Variants in INO80D observed in about 807,000 individuals in gnomAD.
The protein encoded by INO80D is INO80 complex subunit D.
Under a neutral mutation model 87.6 loss-of-function variants are expected in INO80D, and 21 were observed. The ratio of observed to expected loss-of-function variants is 0.24; its 90% CI spans 0.17 to 0.35. The LOEUF (loss-of-function observed/expected upper bound fraction) is 0.35, where lower values mean the gene tolerates loss of function less well. Ranked by LOEUF, INO80D falls within the 10% of genes least tolerant of loss-of-function variation. The pLI is 1.00. For missense variants in INO80D, 982 were observed against 1,280.7 expected, an observed-to-expected ratio of 0.77 and a Z score of 3.56; for synonymous variants, 440 against 491.0, an observed-to-expected ratio of 0.90 and a Z score of 1.37.
chr2:206,017,659 A>G, intron 8 of INO80D, 21 bp downstream of exon 8: 5 of 1,537,990 alleles, frequency 3.3e-6, no homozygotes, highest in Non-Finnish European at 3.5e-6. Flanking sequence ...AAAGTTTGAA[A>G]GCCTCTGTTG....
chr2:206,054,236 G>A (rs1459129007), intron 4 of INO80D, among the ~76,000 whole-genome samples: 2 of 148,702 alleles, frequency 1.3e-5, no homozygotes, highest in Non-Finnish European at 3.0e-5. Flanking sequence ...CGCCCAGATT[G>A]GTCTTGAACT....
intron 10 of INO80D, among the ~76,000 whole-genome samples, chr2:206,006,753 GA>G (rs1688037383): frequency 6.7e-6 from 1 of 150,094 alleles, no homozygotes; most frequent in African/African-American, 2.5e-5. Context: ...TCACTTTAAA[GA>G]AACAACGTTG....
chr2:206,038,610 T>C (rs1175181415), intron 5 of INO80D, among the ~76,000 whole-genome samples: 1 of 152,108 alleles, frequency 6.6e-6, no homozygotes, highest in African/African-American at 2.4e-5. Context: ...GGTGGGAGGA[T>C]AGCTTAAACC....
chr2:206,076,209 A>G (rs1232777954), intron 1 of INO80D, among the ~76,000 whole-genome samples: 3 of 152,176 alleles, frequency 2.0e-5, no homozygotes, highest in Non-Finnish European at 4.4e-5. Flanking sequence ...TAAAATAAAT[A>G]AAACTAACAT....
intron 5 of INO80D, among the ~76,000 whole-genome samples, chr2:206,039,907 C>G (rs993012697): frequency 6.6e-6 from 1 of 150,764 alleles, no homozygotes; most frequent in African/African-American, 2.4e-5. Context: ...AAAAAATGGA[C>G]AAGTTCCTAG....
At chr2:206,017,216 T>C (rs1210058733) in intron 8 of INO80D, among the ~76,000 whole-genome samples, 2 of 152,246 alleles carry the variant, frequency 1.3e-5, no homozygotes, top group Non-Finnish European at 2.9e-5. Flanking sequence ...TAGGAAAGTA[T>C]CTTGCAGTAA....
chr2:206,008,029 T>C (rs1024154899), intron 9 of INO80D: 3 of 152,686 alleles, frequency 2.0e-5, no homozygotes, highest in African/African-American at 7.2e-5. Context: ...TTGCCCAAGT[T>C]GGAGTGCAAT....
At position 205,999,366 on chromosome 2, in the gene INO80D, G is replaced by A. The variant is rs1687865406; in HGVS notation, c.*5002C>T. ...TGTGCTGCCCTATGGAGCTCACTGA[G>A]AGTTAGATTTTTCTCTTATACGAGT... is the stretch of plus-strand genomic sequence containing the variant. On this transcript the variant is annotated 3_prime_UTR_variant, in exon 11 of 11. Transcript: ENST00000403263. 1 of 152,214 alleles carries A rather than the reference G, an allele frequency of 6.6e-6. No homozygotes were observed. The highest frequency in any genetic ancestry group is 1.5e-5 in the Non-Finnish European group (1 of 68,048). The allele number at this position is 152,214 out of a possible 1,614,324, so 9.4% of individuals were successfully genotyped here. A position where few individuals can be genotyped will look rare whatever the true frequency, so the allele number is the denominator to read the frequency against.
intron 1 of INO80D, among the ~76,000 whole-genome samples, chr2:206,084,451 T>C (rs1418566361): frequency 6.6e-6 from 1 of 152,142 alleles, no homozygotes; most frequent in Admixed American, 6.5e-5. Context: ...TACTGATCCT[T>C]AAACTGTAGA....
At chr2:206,031,448 C>T (rs1190884365) in intron 5 of INO80D, among the ~76,000 whole-genome samples, 1 of 152,080 alleles carries the variant, frequency 6.6e-6, no homozygotes, top group African/African-American at 2.4e-5. Context: ...GAAGGTAAAG[C>T]TTGGGTCGAT....
chr2:206,044,636 AAAC>A (rs1410575179), intron 5 of INO80D, among the ~76,000 whole-genome samples: 2 of 152,208 alleles, frequency 1.3e-5, no homozygotes, highest in Non-Finnish European at 2.9e-5. Flanking sequence ...CACAAATCTG[AAAC>A]AACAAAAGAA....
chr2:206,030,381 T>C (rs1363528314), intron 5 of INO80D, among the ~76,000 whole-genome samples: 1 of 152,080 alleles, frequency 6.6e-6, no homozygotes, highest in East Asian at 1.9e-4. Flanking sequence ...GAGAATCATT[T>C]GAACCTGGGA....
chr2:206,026,917 G>T (rs550883629), intron 6 of INO80D, among the ~76,000 whole-genome samples: 126 of 152,092 alleles, frequency 8.3e-4, no homozygotes, highest in Admixed American at 3.3e-3. Flanking sequence ...GAAGAACATA[G>T]GGAAATGGCT....
chr2:206,068,620 G>C (rs1689880622), intron 1 of INO80D, among the ~76,000 whole-genome samples: 1 of 152,070 alleles, frequency 6.6e-6, no homozygotes. Context: ...CATGTTATTT[G>C]TTGATCCCTT....
intron 5 of INO80D, among the ~76,000 whole-genome samples, chr2:206,036,055 T>C (rs1274266189): frequency 1.3e-5 from 2 of 152,152 alleles, no homozygotes; most frequent in African/African-American, 4.8e-5. Context: ...ATCTTACTCC[T>C]GCAAGAATGG....
chr2:206,005,777 A>C (rs1256512908), intron 10 of INO80D, among the ~76,000 whole-genome samples: 2 of 152,212 alleles, frequency 1.3e-5, no homozygotes, highest in Non-Finnish European at 2.9e-5. Context: ...CCATCTCAAA[A>C]ACCATCTTAT....
rs1185332212 is a variant in INO80D at position 206,000,889 on chromosome 2, T to C, written c.*3479A>G. 3.3e-5 allele frequency: 5 copies of C among 152,168 alleles called. No individual in the cohort carries two copies. Among genetic ancestry groups the C allele is most frequent in the African/African-American group, 1.2e-4 (5 of 41,428 alleles). The allele number at this position is 152,168 out of a possible 1,614,324, so 9.4% of individuals were successfully genotyped here. ...TGTTTCTGATTAAATTATAGTCTTCTCATAGAGGGGCACTAGACACACCAC... is the reference window on the plus strand; with the variant it reads ...TGTTTCTGATTAAATTATAGTCTTCCCATAGAGGGGCACTAGACACACCAC... On this transcript the variant is annotated 3_prime_UTR_variant, in exon 11 of 11. Transcript: ENST00000403263.
chr2:206,047,014 C>T (rs900718082), intron 4 of INO80D, among the ~76,000 whole-genome samples: 10 of 152,090 alleles, frequency 6.6e-5, no homozygotes, highest in Non-Finnish European at 1.3e-4. Context: ...CGCCTGACCT[C>T]GTGATCCACC....
At chr2:206,018,793 T>C (rs948971927) in intron 7 of INO80D, among the ~76,000 whole-genome samples, 1 of 152,070 alleles carries the variant, frequency 6.6e-6, no homozygotes, top group Admixed American at 6.5e-5. Flanking sequence ...TCCCAGGTAC[T>C]CAGGAGGCTG....
Sources: allele counts gnomAD v4.1 joint callset (sites outside exome capture counted in the v4.1 genomes callset), GRCh38; gene constraint gnomAD v4.1.1; transcripts MANE v1.5; gene names NCBI Gene and HGNC (gene_info 2026-07-23, HGNC 2026-07-21).